The following COLEC12 variants were observed in gnomAD, a reference collection of about 807,000 sequenced individuals.
COLEC12 encodes the protein collectin subfamily member 12.
In COLEC12, 33 loss-of-function variants were observed where a neutral mutation model predicts 71.1. That is an observed-to-expected ratio of 0.46 (90% confidence interval 0.35 to 0.62). The LOEUF (loss-of-function observed/expected upper bound fraction) is 0.62. Among genes scored for constraint, COLEC12 ranks in the 20% least tolerant of loss-of-function variants. COLEC12 has a pLI of 0.00. For synonymous variants in COLEC12, 350 were observed against 353.0 expected (o/e 0.99, Z 0.10); for missense variants, 765 against 916.1 (o/e 0.84, Z 2.13).
At chr18:431,009 A>T (rs1409395882) in intron 2 of COLEC12, among the ~76,000 whole-genome samples, 1 of 151,676 alleles carries the variant, frequency 6.6e-6, no homozygotes, top group Admixed American at 6.6e-5. Context: ...ATTTTATTTT[A>T]TTTATTTTTT....
intron 2 of COLEC12, among the ~76,000 whole-genome samples, chr18:419,194 TTCTATTCTA>T (rs1916048178): frequency 2.1e-5 from 3 of 145,852 alleles, no homozygotes; most frequent in Non-Finnish European, 4.5e-5. Context: ...TTCTATTCTA[TTCTATTCTA>T]TTCTATTCTA....
intron 2 of COLEC12, among the ~76,000 whole-genome samples, chr18:382,030 G>A (rs11660176): frequency 0.29 from 44,050 of 151,940 alleles, 7,173 homozygotes; most frequent in East Asian, 0.43. Context: ...GCAACCATGG[G>A]GGAGACAGAA....
At chr18:465,262 C>A (rs1172749719) in intron 2 of COLEC12, among the ~76,000 whole-genome samples, 1 of 152,098 alleles carries the variant, frequency 6.6e-6, no homozygotes, top group Non-Finnish European at 1.5e-5. Context: ...ACCACCACAC[C>A]TGGATAATTT....
At chr18:414,588 A>C (rs897459182) in intron 2 of COLEC12, among the ~76,000 whole-genome samples, 1 of 152,178 alleles carries the variant, frequency 6.6e-6, no homozygotes, top group Non-Finnish European at 1.5e-5. Context: ...ACAAGAGTGA[A>C]ACTGTGTCTC....
chr18:458,961 A>G (rs1916924758), intron 2 of COLEC12, among the ~76,000 whole-genome samples: 1 of 152,174 alleles, frequency 6.6e-6, no homozygotes, highest in Non-Finnish European at 1.5e-5. Flanking sequence ...CAGCCTTTCA[A>G]GTAGCTGGGA....
intron 2 of COLEC12, among the ~76,000 whole-genome samples, chr18:425,357 G>T (rs1648292574): frequency 6.6e-6 from 1 of 152,078 alleles, no homozygotes; most frequent in African/African-American, 2.4e-5. Context: ...CCCACCCAGG[G>T]CTCATTCTTC....
intron 3 of COLEC12, among the ~76,000 whole-genome samples, chr18:349,256 C>T (rs1914454049): frequency 6.6e-6 from 1 of 152,220 alleles, no homozygotes. Context: ...GCCACTCCAG[C>T]CATGGCTGAA....
At chr18:467,080 T>TA (rs1324841603) in intron 2 of COLEC12, among the ~76,000 whole-genome samples, 4 of 152,138 alleles carry the variant, frequency 2.6e-5, no homozygotes, top group Non-Finnish European at 5.9e-5. Context: ...AAATAGAAAA[T>TA]AAAAAACTCT....
intron 7 of COLEC12, among the ~76,000 whole-genome samples, chr18:332,141 C>G (rs1163878787): frequency 1.3e-5 from 2 of 152,212 alleles, no homozygotes; most frequent in Non-Finnish European, 2.9e-5. Context: ...CTGGGCTGGG[C>G]CCCACGTGCA....
chr18:394,241 C>A (rs1915521709), intron 2 of COLEC12, among the ~76,000 whole-genome samples: 1 of 152,156 alleles, frequency 6.6e-6, no homozygotes, highest in Admixed American at 6.5e-5. Flanking sequence ...GGACAGGAGT[C>A]CAGAAAGGAG....
intron 8 of COLEC12, 151 bp downstream of exon 8, chr18:331,517 G>T (rs1913979816): frequency 1.8e-6 from 1 of 552,174 alleles, no homozygotes; most frequent in Non-Finnish European, 3.2e-6. Context: ...ATTTCCCCAG[G>T]GGAAATATGC....
chr18:499,370 G>C (rs1173560133), intron 1 of COLEC12, among the ~76,000 whole-genome samples: 2 of 152,186 alleles, frequency 1.3e-5, no homozygotes, highest in African/African-American at 4.8e-5. Context: ...GAATTGGTAG[G>C]ATATCATCGC....
At chr18:349,094 G>A (rs1313733021) in intron 3 of COLEC12, among the ~76,000 whole-genome samples, 1 of 152,182 alleles carries the variant, frequency 6.6e-6, no homozygotes, top group Non-Finnish European at 1.5e-5. Context: ...TAACCCCCAA[G>A]ACAATGGGGA....
At chr18:495,439 G>T (rs900318951) in intron 1 of COLEC12, among the ~76,000 whole-genome samples, 1 of 152,162 alleles carries the variant, frequency 6.6e-6, no homozygotes, top group Non-Finnish European at 1.5e-5. Context: ...TTAGCAAGAC[G>T]AGTGTAGGGG....
intron 2 of COLEC12, among the ~76,000 whole-genome samples, chr18:398,987 T>C (rs1915625508): frequency 6.6e-6 from 1 of 152,218 alleles, no homozygotes; most frequent in African/African-American, 2.4e-5. Flanking sequence ...AGTATCCAGA[T>C]CTAAATCCTA....
intron 5 of COLEC12, 97 bp from the exon 6 acceptor site, chr18:335,327 C>T (rs1598329056): frequency 5.2e-6 from 7 of 1,334,268 alleles, no homozygotes; most frequent in Non-Finnish European, 6.1e-6. Flanking sequence ...TTAAAAAAAC[C>T]TAGCATACAA....
intron 2 of COLEC12, among the ~76,000 whole-genome samples, chr18:396,668 C>T (rs1915578635): frequency 6.6e-6 from 1 of 152,244 alleles, no homozygotes; most frequent in South Asian, 2.1e-4. Context: ...GTGTCCCCTC[C>T]AGATGGACCA....
chr18:332,545 G>A (rs1914008412), intron 7 of COLEC12, among the ~76,000 whole-genome samples: 1 of 152,130 alleles, frequency 6.6e-6, no homozygotes, highest in South Asian at 2.1e-4. Context: ...GCCTCTCACG[G>A]TGCCTGGCAT....
intron 2 of COLEC12, among the ~76,000 whole-genome samples, chr18:419,360 C>A (rs1159263601): frequency 1.3e-5 from 2 of 152,130 alleles, no homozygotes; most frequent in South Asian, 2.1e-4. Flanking sequence ...CGCATGCCAC[C>A]ACACTAGGCT....
Sources: allele counts gnomAD v4.1 joint callset (sites outside exome capture counted in the v4.1 genomes callset), GRCh38; gene constraint gnomAD v4.1.1; transcripts MANE v1.5; gene names NCBI Gene and HGNC (gene_info 2026-07-23, HGNC 2026-07-21).